Variants in SH3GLB1 observed in about 807,000 individuals in gnomAD.
The protein encoded by SH3GLB1 is SH3 domain containing GRB2 like, endophilin B1.
SH3GLB1 carries 17 observed loss-of-function variants against 42.0 expected under a neutral mutation model. The observed-to-expected ratio is 0.40, with a 90% CI of 0.28 to 0.61. The LOEUF (loss-of-function observed/expected upper bound fraction) is 0.61, where lower values mean the gene tolerates loss of function less well. Ranked by LOEUF, SH3GLB1 falls within the 20% of genes least tolerant of loss-of-function variation. The pLI is 0.36. For missense variants in SH3GLB1, 355 were observed against 426.3 expected, an observed-to-expected ratio of 0.83 and a Z score of 1.47; for synonymous variants, 132 against 146.6, an observed-to-expected ratio of 0.90 and a Z score of 0.72.
chr1:86,747,731 A>G lies in SH3GLB1; in HGVS notation c.*4496A>G, dbSNP rs887578945. 2 of 152,226 alleles carry G rather than the reference A, an allele frequency of 1.3e-5. No homozygotes were observed. Among genetic ancestry groups the G allele is most frequent in the African/African-American group, 4.8e-5 (2 of 41,462 alleles). The allele number at this position is 152,226 out of a possible 1,614,324, so 9.4% of individuals were successfully genotyped here. On this transcript the variant is annotated 3_prime_UTR_variant, in exon 9 of 9. Coordinates refer to ENST00000370558, the MANE Select transcript of SH3GLB1 (RefSeq NM_016009.5). ...TGACTAACATCAAAACACCTTGACA[A>G]ACCGTTAAAACAGTATCAGAAACCA...
intron 3 of SH3GLB1, among the ~76,000 whole-genome samples, chr1:86,720,221 T>C (rs767278318): frequency 2.6e-5 from 4 of 152,186 alleles, no homozygotes; most frequent in Non-Finnish European, 4.4e-5. Flanking sequence ...ACAATACCTA[T>C]GTTATAATAC....
intron 2 of SH3GLB1, among the ~76,000 whole-genome samples, chr1:86,717,046 G>A (rs1007821560): frequency 6.6e-6 from 1 of 152,156 alleles, no homozygotes; most frequent in African/African-American, 2.4e-5. Flanking sequence ...TGGGTAACAG[G>A]TTCATGTGTA....
chr1:86,725,852 C>A (rs995116849), intron 5 of SH3GLB1, among the ~76,000 whole-genome samples: 14 of 152,142 alleles, frequency 9.2e-5, no homozygotes, highest in African/African-American at 3.1e-4. Context: ...TTTGGAGATA[C>A]TGTATTAGTT....
intron 4 of SH3GLB1, 98 bp from the exon 5 acceptor site, chr1:86,724,215 G>A: frequency 1.3e-6 from 1 of 762,066 alleles, no homozygotes; most frequent in Non-Finnish European, 2.0e-6. Flanking sequence ...TTTATCAAGT[G>A]ATACATATGT....
At chr1:86,739,388 A>G (rs1655945824) in intron 7 of SH3GLB1, among the ~76,000 whole-genome samples, 1 of 152,202 alleles carries the variant, frequency 6.6e-6, no homozygotes, top group Non-Finnish European at 1.5e-5. Context: ...TCAAGTGAAC[A>G]TGTGTGAAAG....
chr1:86,738,252 G>GT (rs374999845), intron 7 of SH3GLB1, among the ~76,000 whole-genome samples: 23 of 103,196 alleles, frequency 2.2e-4, no homozygotes, highest in African/African-American at 1.2e-3. Flanking sequence ...TTTTTTGTTT[G>GT]TTTGTTTTGT....
At position 86,734,693 on chromosome 1, in the gene SH3GLB1, T is replaced by G; in HGVS notation, c.660+2T>G. 6.2e-7 allele frequency: 1 copy of G among 1,606,378 alleles called. No individual in the cohort carries two copies. The highest frequency in any genetic ancestry group is 8.5e-7 in the Non-Finnish European group (1 of 1,173,918). On this transcript the variant is annotated splice_donor_variant, in intron 6 of 8. Transcript: ENST00000370558. LOFTEE classifies it high-confidence loss of function. ...CTAGAGGGAATCAGCAGTACACATG[T>G]GAGTATTCATTCATTGGAAATTCAT...
At chr1:86,705,658 G>T (rs1558285059) in intron 1 of SH3GLB1, among the ~76,000 whole-genome samples, 1 of 152,206 alleles carries the variant, frequency 6.6e-6, no homozygotes, top group Non-Finnish European at 1.5e-5. Context: ...AGTCACAGTA[G>T]TATGTTTTAA....
intron 7 of SH3GLB1, among the ~76,000 whole-genome samples, 161 bp from the exon 8 acceptor site, chr1:86,742,047 G>T (rs1656082057): frequency 6.6e-6 from 1 of 151,832 alleles, no homozygotes; most frequent in Non-Finnish European, 1.5e-5. Flanking sequence ...GGCCCAAGAG[G>T]GAAAAGGAAG....
At chr1:86,719,003 G>A (rs1221259057) in intron 2 of SH3GLB1, among the ~76,000 whole-genome samples, 4 of 152,246 alleles carry the variant, frequency 2.6e-5, no homozygotes, top group African/African-American at 9.6e-5. Flanking sequence ...TGCCTTAAGC[G>A]CCTGTGTCTA....
intron 4 of SH3GLB1, among the ~76,000 whole-genome samples, chr1:86,723,340 C>T (rs999090846): frequency 2.6e-5 from 4 of 151,874 alleles, no homozygotes; most frequent in African/African-American, 9.7e-5. Flanking sequence ...GGTGAAACCC[C>T]GTCTCTACTA....
intron 3 of SH3GLB1, among the ~76,000 whole-genome samples, chr1:86,722,243 G>A (rs566182346): frequency 4.8e-4 from 73 of 151,410 alleles, no homozygotes; most frequent in African/African-American, 1.5e-3. Context: ...ACAGAGGGCC[G>A]ACTGTGACCG....
rs1284567743 is a variant in SH3GLB1 at position 86,724,880 on chromosome 1, A to ATAT, written c.570+475_570+476insTAT. 2.2e-4 allele frequency among the ~76,000 whole-genome samples: 23 copies of ATAT among 103,866 alleles called. 1 individual carries two copies. The South Asian group carries it at 6.0e-3, about 27-fold the overall frequency. The allele number at this position is 103,866 out of a possible 152,430, so 68.1% of individuals were successfully genotyped here. A position where few individuals can be genotyped will look rare whatever the true frequency, so the allele number is the denominator to read the frequency against. On this transcript the variant is annotated intron_variant, in intron 5 of 8. Coordinates refer to ENST00000370558, the MANE Select transcript of SH3GLB1 (RefSeq NM_016009.5). Reference sequence around the variant, plus strand: ...CAGAGCCAGACCCTGTCTTTAAAAAAAAAAAAAAAAAAATATATATATATA... The same window carrying ATAT: ...CAGAGCCAGACCCTGTCTTTAAAAAATATAAAAAAAAAAAAATATATATATATA...
intron 1 of SH3GLB1, among the ~76,000 whole-genome samples, chr1:86,713,950 GT>G (rs1654366347): frequency 6.6e-6 from 1 of 152,174 alleles, no homozygotes; most frequent in Non-Finnish European, 1.5e-5. Context: ...AAACCCATGT[GT>G]TTAGAAGAGT....
chr1:86,721,386 A>G (rs985145946), intron 3 of SH3GLB1, among the ~76,000 whole-genome samples: 6 of 152,204 alleles, frequency 3.9e-5, no homozygotes, highest in African/African-American at 1.4e-4. Context: ...AGTCACAGCT[A>G]GTATAGTAAT....
chr1:86,713,336 C>T (rs1168740738), intron 1 of SH3GLB1, among the ~76,000 whole-genome samples: 1 of 152,050 alleles, frequency 6.6e-6, no homozygotes, highest in Non-Finnish European at 1.5e-5. Flanking sequence ...CCTGCCTCAG[C>T]CTCCCAAAGT....
At chr1:86,715,932 G>C in intron 2 of SH3GLB1, 67 bp downstream of exon 2, 1 of 1,452,288 alleles carries the variant, frequency 6.9e-7, no homozygotes, top group South Asian at 1.3e-5. Context: ...AAAAAAAAAA[G>C]TTTTAATGGC....
chr1:86,720,772 T>C (rs1368091865), intron 3 of SH3GLB1, among the ~76,000 whole-genome samples: 1 of 152,250 alleles, frequency 6.6e-6, no homozygotes, highest in Non-Finnish European at 1.5e-5. Flanking sequence ...TAGTTATCTT[T>C]ATGTCAGAAA....
At position 86,745,091 on chromosome 1, in the gene SH3GLB1, G is replaced by A. The variant is rs1344026309; in HGVS notation, c.*1856G>A. On this transcript the variant is annotated 3_prime_UTR_variant, in exon 9 of 9. Transcript: ENST00000370558. ...GACTTAAACAGCAACTATGAATTAG[G>A]TTTATGGGAAATGTAGTAATACAGG... The A allele has an allele frequency of 6.6e-6, 1 of 152,164 alleles. No homozygotes were observed. The highest frequency in any genetic ancestry group is 1.5e-5 in the Non-Finnish European group (1 of 68,034). The allele number at this position is 152,164 out of a possible 1,614,324, so 9.4% of individuals were successfully genotyped here.
Sources: allele counts gnomAD v4.1 joint callset (sites outside exome capture counted in the v4.1 genomes callset), GRCh38; gene constraint gnomAD v4.1.1; transcripts MANE v1.5; gene names NCBI Gene and HGNC (gene_info 2026-07-23, HGNC 2026-07-21).